NBEA: variants seen among roughly 807,000 people sequenced by gnomAD.
The protein encoded by NBEA is neurobeachin.
NBEA carries 44 observed loss-of-function variants against 343.4 expected under a neutral mutation model. The ratio of observed to expected loss-of-function variants is 0.13; its 90% CI spans 0.10 to 0.16. NBEA has a LOEUF of 0.16. Among genes scored for constraint, NBEA ranks in the 10% least tolerant of loss-of-function variants. The pLI, the probability that NBEA is intolerant of heterozygous loss-of-function variation, is 1.00. For synonymous variants in NBEA, 1,175 were observed against 1,238.7 expected, an observed-to-expected ratio of 0.95 and a Z score of 1.08; for missense variants, 2,555 against 3,631.3, an observed-to-expected ratio of 0.70 and a Z score of 7.62.
intron 17 of NBEA, among the ~76,000 whole-genome samples, chr13:35,133,904 G>T (rs2067570391): frequency 6.6e-6 from 1 of 151,664 alleles, no homozygotes; most frequent in Admixed American, 6.6e-5. Flanking sequence ...GTTGGTTGGT[G>T]GTTACATGAA....
chr13:34,961,411 T>C (rs1200621100), intron 1 of NBEA, among the ~76,000 whole-genome samples: 1 of 152,092 alleles, frequency 6.6e-6, no homozygotes, highest in Non-Finnish European at 1.5e-5. Flanking sequence ...TCAGTGTGGG[T>C]TACTATATTT....
At chr13:35,310,092 A>G (rs1852807458) in intron 36 of NBEA, among the ~76,000 whole-genome samples, 1 of 152,120 alleles carries the variant, frequency 6.6e-6, no homozygotes, top group Non-Finnish European at 1.5e-5. Flanking sequence ...CTTTAACAAA[A>G]TTTTTATTTA....
chr13:35,646,136 C>G (rs2084217719), intron 50 of NBEA, 123 bp from the exon 51 acceptor site: 2 of 778,626 alleles, frequency 2.6e-6, no homozygotes, highest in Admixed American at 4.9e-5. Context: ...GAAAAGAGCA[C>G]CCGTTGAATT....
At chr13:35,579,853 T>A (rs2080929594) in intron 45 of NBEA, among the ~76,000 whole-genome samples, 1 of 152,122 alleles carries the variant, frequency 6.6e-6, no homozygotes. Flanking sequence ...CAGATTTCTC[T>A]CTTTGGTCTT....
Position 35,569,350 on chromosome 13 carries a change from T to C in NBEA, c.7035+2333T>C, listed in dbSNP as rs527833889. On this transcript the variant is annotated intron_variant, in intron 45 of 58. Coordinates refer to ENST00000379939, the MANE Select transcript of NBEA (RefSeq NM_001385012.1). The stretch of plus-strand genomic sequence containing the variant: ...TTATTTAACATAAATTGAATAGCCA[T>C]TACTTAGACATTATAAAATATATAT... Among the ~76,000 whole-genome samples the C allele has an allele frequency of 9.0e-4, 137 of 152,294 alleles. 2 individuals carry two copies. The South Asian group carries it at 0.021, about 23-fold the overall frequency.
intron 38 of NBEA, among the ~76,000 whole-genome samples, chr13:35,412,096 A>G (rs1313402210): frequency 6.6e-6 from 1 of 152,136 alleles, no homozygotes; most frequent in Non-Finnish European, 1.5e-5. Flanking sequence ...TTTTGGTGCA[A>G]AAAATTTGAA....
chr13:34,976,643 CTTTGTTT>C (rs1326756097), intron 1 of NBEA, among the ~76,000 whole-genome samples: 16 of 143,934 alleles, frequency 1.1e-4, no homozygotes, highest in East Asian at 6.2e-4. Flanking sequence ...TTTCTTTTTT[CTTTGTTT>C]TTTGTTTTTT....
intron 33 of NBEA, among the ~76,000 whole-genome samples, chr13:35,224,230 C>T (rs1371883431): frequency 6.6e-6 from 1 of 152,022 alleles, no homozygotes; most frequent in African/African-American, 2.4e-5. Flanking sequence ...ATTTTAATGC[C>T]CATAACCTTA....
At chr13:35,068,729 T>C (rs2152573153) in intron 8 of NBEA, among the ~76,000 whole-genome samples, 1 of 152,336 alleles carries the variant, frequency 6.6e-6, no homozygotes, top group African/African-American at 2.4e-5. Flanking sequence ...AAAACTGACA[T>C]GTTTGGTCTG....
intron 1 of NBEA, among the ~76,000 whole-genome samples, chr13:35,019,425 G>A (rs2061760412): frequency 1.3e-5 from 2 of 151,818 alleles, no homozygotes; most frequent in Non-Finnish European, 1.5e-5. Flanking sequence ...AGGCTCCCGA[G>A]TAGCTGGGAT....
chr13:35,256,086 A>G (rs2032559314), intron 34 of NBEA, among the ~76,000 whole-genome samples: 1 of 152,084 alleles, frequency 6.6e-6, no homozygotes, highest in Non-Finnish European at 1.5e-5. Flanking sequence ...GAGGAGACCC[A>G]GAGTGGGTAG....
chr13:35,444,091 A>G (rs1379522481), intron 39 of NBEA, among the ~76,000 whole-genome samples: 3 of 151,990 alleles, frequency 2.0e-5, no homozygotes, highest in Non-Finnish European at 2.9e-5. Context: ...TCTCACAGAT[A>G]CACTAAGGTA....
At chr13:35,358,830 G>C (rs981237978) in intron 38 of NBEA, among the ~76,000 whole-genome samples, 1 of 152,204 alleles carries the variant, frequency 6.6e-6, no homozygotes, top group Non-Finnish European at 1.5e-5. Flanking sequence ...TTTTAGATTA[G>C]GGAGTGAGGA....
At chr13:35,175,004 G>A (rs1425008471) in intron 27 of NBEA, among the ~76,000 whole-genome samples, 1 of 151,868 alleles carries the variant, frequency 6.6e-6, no homozygotes, top group Non-Finnish European at 1.5e-5. Flanking sequence ...CATTGGCCAG[G>A]ATGGTCTAGA....
At chr13:35,441,881 G>C (rs1368456013) in intron 39 of NBEA, among the ~76,000 whole-genome samples, 1 of 147,652 alleles carries the variant, frequency 6.8e-6, no homozygotes, top group Non-Finnish European at 1.5e-5. Context: ...TACTGTGCAA[G>C]AAAGTCTCCC....
intron 50 of NBEA, 72 bp from the exon 51 acceptor site, chr13:35,646,187 G>T: frequency 2.6e-6 from 3 of 1,175,332 alleles, no homozygotes; most frequent in Admixed American, 2.0e-5. Context: ...ATACACTTGC[G>T]TTGTCAAAGA....
At chr13:34,959,945 G>A (rs1421673045) in intron 1 of NBEA, among the ~76,000 whole-genome samples, 5 of 152,072 alleles carry the variant, frequency 3.3e-5, no homozygotes, top group Non-Finnish European at 4.4e-5. Context: ...ACTGGTTTAT[G>A]TATTTGCTAT....
chr13:35,514,946 A>G (rs1398671498), intron 41 of NBEA, among the ~76,000 whole-genome samples: 1 of 152,190 alleles, frequency 6.6e-6, no homozygotes, highest in Admixed American at 6.5e-5. Flanking sequence ...TTTGGCAATG[A>G]CAGATAAGTC....
chr13:35,559,832 G>A (rs2153020721), intron 44 of NBEA, among the ~76,000 whole-genome samples: 1 of 150,764 alleles, frequency 6.6e-6, no homozygotes, highest in East Asian at 2.0e-4. Flanking sequence ...AGGAGAAGCT[G>A]AAGCAAGAGA....
Sources: allele counts gnomAD v4.1 joint callset (sites outside exome capture counted in the v4.1 genomes callset), GRCh38; gene constraint gnomAD v4.1.1; transcripts MANE v1.5; gene names NCBI Gene and HGNC (gene_info 2026-07-23, HGNC 2026-07-21).